The following SNX24 variants were observed in gnomAD, a reference collection of about 807,000 sequenced individuals.
SNX24 encodes sorting nexin-24.
Under a neutral mutation model 28.7 loss-of-function variants are expected in SNX24, and 22 were observed. The ratio of observed to expected loss-of-function variants is 0.77; its 90% CI spans 0.55 to 1.10. The LOEUF (loss-of-function observed/expected upper bound fraction) is 1.10. SNX24 is among the 50% of genes least tolerant of loss of function. The pLI, the probability that SNX24 is intolerant of heterozygous loss-of-function variation, is 0.00. For missense variants in SNX24, 221 were observed against 201.1 expected (o/e 1.10, Z -0.60); for synonymous variants, 69 against 71.5 (o/e 0.96, Z 0.18).
intron 1 of SNX24, among the ~76,000 whole-genome samples, chr5:122,853,405 G>A (rs925568921): frequency 1.6e-4 from 24 of 152,234 alleles, no homozygotes; most frequent in Non-Finnish European, 2.5e-4. Context: ...GGGATTACAG[G>A]CGTGAGCCAC....
chr5:123,022,474 T>G (rs1033732284), intron 5 of SNX24: 6 of 152,774 alleles, frequency 3.9e-5, no homozygotes, highest in Non-Finnish European at 5.8e-5. Flanking sequence ...CCCATTAGTT[T>G]TTTTTTTTTT....
intron 5 of SNX24, chr5:123,022,811 G>A (rs1062350): frequency 0.23 from 35,190 of 152,258 alleles, 5,178 homozygotes; most frequent in Non-Finnish European, 0.34. Context: ...TAGCCTGAGT[G>A]GGTTTTGTTG....
intron 1 of SNX24, among the ~76,000 whole-genome samples, chr5:122,871,277 C>T (rs1755965002): frequency 6.6e-6 from 1 of 152,144 alleles, no homozygotes; most frequent in Non-Finnish European, 1.5e-5. Context: ...AAAAACTCTC[C>T]AGGTGATTTT....
At chr5:122,894,732 T>G (rs923538217) in intron 1 of SNX24, among the ~76,000 whole-genome samples, 1 of 152,198 alleles carries the variant, frequency 6.6e-6, no homozygotes, top group Non-Finnish European at 1.5e-5. Context: ...GGGATGGTTT[T>G]AGAAGGAAGA....
intron 3 of SNX24, among the ~76,000 whole-genome samples, chr5:122,971,551 T>C (rs1021364503): frequency 1.3e-5 from 2 of 152,240 alleles, no homozygotes; most frequent in Non-Finnish European, 2.9e-5. Flanking sequence ...ATGTGTAACG[T>C]AATACAGCTA....
At chr5:123,025,519 T>G (rs950649323) in intron 5 of SNX24, among the ~76,000 whole-genome samples, 1 of 152,180 alleles carries the variant, frequency 6.6e-6, no homozygotes, top group African/African-American at 2.4e-5. Context: ...TATATATTGG[T>G]TCCATTAAAA....
intron 1 of SNX24, among the ~76,000 whole-genome samples, chr5:122,914,768 C>G (rs1561588768): frequency 6.6e-6 from 1 of 151,880 alleles, no homozygotes; most frequent in Non-Finnish European, 1.5e-5. Context: ...TTTATTGCAT[C>G]TATTTGATTC....
At chr5:122,948,481 T>C (rs1414172108) in intron 3 of SNX24, 2 of 152,310 alleles carry the variant, frequency 1.3e-5, no homozygotes, top group East Asian at 3.9e-4. Flanking sequence ...GCATCTTAAG[T>C]TCACAAGGAA....
chr5:122,894,369 G>GT (rs958020379), intron 1 of SNX24, among the ~76,000 whole-genome samples: 1 of 151,666 alleles, frequency 6.6e-6, no homozygotes, highest in African/African-American at 2.4e-5. Flanking sequence ...TATGTCCCTT[G>GT]TTTTTTCCTT....
intron 2 of SNX24, among the ~76,000 whole-genome samples, chr5:122,942,437 A>AT (rs1759496182): frequency 6.6e-6 from 1 of 152,178 alleles, no homozygotes; most frequent in Admixed American, 6.5e-5. Flanking sequence ...GAAAGATGGG[A>AT]TTTTATCCCC....
At chr5:122,846,827 A>G (rs1270943175) in intron 1 of SNX24, among the ~76,000 whole-genome samples, 1 of 152,220 alleles carries the variant, frequency 6.6e-6, no homozygotes, top group Admixed American at 6.5e-5. Flanking sequence ...AGGAAAATGC[A>G]GGGAGAGGGA....
chr5:123,029,086 G>A (rs1461884465), intron 5 of SNX24: 1 of 933,988 alleles, frequency 1.1e-6, no homozygotes, highest in Non-Finnish European at 1.6e-6. Context: ...AGTTAAAAGA[G>A]AGCAAACCAT....
intron 1 of SNX24, among the ~76,000 whole-genome samples, chr5:122,881,708 A>G (rs1756488993): frequency 1.3e-5 from 2 of 150,706 alleles, no homozygotes; most frequent in Non-Finnish European, 3.0e-5. Context: ...AAAATTATAT[A>G]TACATAAAAT....
intron 1 of SNX24, among the ~76,000 whole-genome samples, chr5:122,859,262 G>A (rs981738652): frequency 6.6e-6 from 1 of 151,572 alleles, no homozygotes; most frequent in East Asian, 2.0e-4. Context: ...CTTGAGCCCA[G>A]GAGTTGGAGA....
At chr5:122,856,173 G>A (rs1474687814) in intron 1 of SNX24, among the ~76,000 whole-genome samples, 1 of 152,062 alleles carries the variant, frequency 6.6e-6, no homozygotes, top group African/African-American at 2.4e-5. Flanking sequence ...GTATCCATGT[G>A]CTCTTTTGTT....
At chr5:123,027,302 T>C (rs955793706) in intron 5 of SNX24, among the ~76,000 whole-genome samples, 19 of 152,190 alleles carry the variant, frequency 1.2e-4, no homozygotes, top group Non-Finnish European at 4.4e-5. Flanking sequence ...CAGAAGGGTC[T>C]ACACTATATT....
chr5:122,891,075 G>C, intron 1 of SNX24: 1 of 1,535,198 alleles, frequency 6.5e-7, no homozygotes, highest in Non-Finnish European at 8.8e-7. Flanking sequence ...GGAATCATAT[G>C]AAGTTATTGT....
At chr5:122,868,733 C>T (rs191445259) in intron 1 of SNX24, among the ~76,000 whole-genome samples, 38 of 152,114 alleles carry the variant, frequency 2.5e-4, no homozygotes, top group African/African-American at 6.3e-4. Flanking sequence ...ATGTTGCCTC[C>T]GAGATTCAAA....
Position 122,907,088 on chromosome 5 carries a change from C to T in SNX24, c.61-29646C>T, listed in dbSNP as rs76366584. Among the ~76,000 whole-genome samples the T allele has an allele frequency of 3.4e-3, 524 of 152,252 alleles. 1 individual carries two copies. Among genetic ancestry groups the T allele is most frequent in the Middle Eastern group, 0.014 (4 of 294 alleles). On this transcript the variant is annotated intron_variant, in intron 1 of 6. Coordinates refer to ENST00000261369, the MANE Select transcript of SNX24 (RefSeq NM_014035.4). Reference sequence around the variant, plus strand: ...TCTTTTAATCCTACGTCATTTTCTCCACCACCCTAAAAAATTCTCCAAGAA... The same window carrying T: ...TCTTTTAATCCTACGTCATTTTCTCTACCACCCTAAAAAATTCTCCAAGAA...
Sources: gnomAD v4.1 joint callset for allele counts (sites outside exome capture counted in the v4.1 genomes callset) on GRCh38, gnomAD v4.1.1 for gene constraint, MANE v1.5 for transcripts, NCBI Gene and HGNC (gene_info 2026-07-23, HGNC 2026-07-21) for gene names.